Variants in GRIK2 observed in about 807,000 individuals in gnomAD.
GRIK2 encodes glutamate ionotropic receptor kainate type subunit 2, also known as glutamate receptor ionotropic, kainate 2.
In GRIK2, 32 loss-of-function variants were observed where a neutral mutation model predicts 100.3. The ratio of observed to expected loss-of-function variants is 0.32; its 90% CI spans 0.24 to 0.43. The LOEUF (loss-of-function observed/expected upper bound fraction) is 0.43. Ranked by LOEUF, GRIK2 falls within the 20% of genes least tolerant of loss-of-function variation. GRIK2 has a pLI of 1.00. For missense variants in GRIK2, 843 were observed against 1,114.9 expected (o/e 0.76, Z 3.47); for synonymous variants, 417 against 389.4 (o/e 1.07, Z -0.83).
At chr6:101,860,398 G>C (rs1013765387) in intron 11 of GRIK2, among the ~76,000 whole-genome samples, 1 of 152,064 alleles carries the variant, frequency 6.6e-6, no homozygotes, top group African/African-American at 2.4e-5. Flanking sequence ...TCCCCAATGG[G>C]ATATAGGAGA....
chr6:101,917,299 T>C (rs1789180784), intron 12 of GRIK2, among the ~76,000 whole-genome samples: 1 of 151,720 alleles, frequency 6.6e-6, no homozygotes, highest in Non-Finnish European at 1.5e-5. Context: ...CACGTTCTGC[T>C]TCTCAAGAAA....
intron 11 of GRIK2, among the ~76,000 whole-genome samples, chr6:101,864,423 C>T (rs984250665): frequency 1.3e-5 from 2 of 152,124 alleles, no homozygotes; most frequent in African/African-American, 4.8e-5. Flanking sequence ...CCTATAAATA[C>T]AAATTTTTCC....
intron 7 of GRIK2, among the ~76,000 whole-genome samples, chr6:101,796,152 T>C (rs1284505614): frequency 2.0e-5 from 3 of 152,202 alleles, no homozygotes; most frequent in African/African-American, 7.2e-5. Context: ...TACGTCTATA[T>C]GCTATGGTTT....
intron 12 of GRIK2, among the ~76,000 whole-genome samples, chr6:101,895,274 T>A (rs556600946): frequency 5.3e-5 from 8 of 151,878 alleles, no homozygotes; most frequent in African/African-American, 1.7e-4. Flanking sequence ...TGTATATAAT[T>A]GCCTTTAATT....
intron 2 of GRIK2, among the ~76,000 whole-genome samples, chr6:101,422,004 C>T (rs1007286982): frequency 1.3e-5 from 2 of 152,166 alleles, no homozygotes; most frequent in Non-Finnish European, 2.9e-5. Flanking sequence ...TTTTGTATGA[C>T]ATTAAAAGTG....
In GRIK2 at chr6:101,488,155, A is replaced by G. The variant is rs1174865654; in HGVS notation, c.115+88763A>G. Among the ~76,000 whole-genome samples, 2 of 146,728 alleles carry G rather than the reference A, an allele frequency of 1.4e-5. 1 individual carries two copies. Among genetic ancestry groups the G allele is most frequent in the African/African-American group, 5.2e-5 (2 of 38,610 alleles). On this transcript the variant is annotated intron_variant, in intron 2 of 16. Coordinates refer to ENST00000369134, the MANE Select transcript of GRIK2 (RefSeq NM_021956.5). ...TAATAATAATTTTATAGTAACTTCTAGTCTCCTTATAATCATCCTGCCTTT... is the reference window on the plus strand; with the variant it reads ...TAATAATAATTTTATAGTAACTTCTGGTCTCCTTATAATCATCCTGCCTTT...
At chr6:101,405,582 G>A (rs1373914108) in intron 2 of GRIK2, among the ~76,000 whole-genome samples, 1 of 152,070 alleles carries the variant, frequency 6.6e-6, no homozygotes, top group African/African-American at 2.4e-5. Context: ...TTTCAATAGA[G>A]TAATAGGTAT....
At chr6:102,020,313 T>G in intron 14 of GRIK2, among the ~76,000 whole-genome samples, 1 of 151,944 alleles carries the variant, frequency 6.6e-6, no homozygotes, top group East Asian at 1.9e-4. Flanking sequence ...TTGCTATAGC[T>G]TTAGGGTTCA....
chr6:101,727,200 G>A (rs761704412), intron 7 of GRIK2, among the ~76,000 whole-genome samples: 6 of 151,898 alleles, frequency 4.0e-5, no homozygotes, highest in Admixed American at 6.6e-5. Context: ...AATTTCCCAG[G>A]ATATGTTTAT....
At chr6:101,405,607 G>A (rs1157341720) in intron 2 of GRIK2, among the ~76,000 whole-genome samples, 1 of 151,768 alleles carries the variant, frequency 6.6e-6, no homozygotes. Context: ...TCTATTTTAG[G>A]TTGTTTTTAA....
intron 2 of GRIK2, among the ~76,000 whole-genome samples, chr6:101,488,562 C>T (rs959097278): frequency 2.7e-5 from 4 of 146,344 alleles, no homozygotes; most frequent in South Asian, 2.2e-4. Flanking sequence ...ATATATTGAT[C>T]GATAGATGGA....
At chr6:101,962,403 T>C (rs1338100750) in intron 14 of GRIK2, among the ~76,000 whole-genome samples, 2 of 152,204 alleles carry the variant, frequency 1.3e-5, no homozygotes, top group Admixed American at 1.3e-4. Flanking sequence ...ACATGCTCTG[T>C]GTGCTTTGAA....
At chr6:101,406,033 C>A (rs1396743903) in intron 2 of GRIK2, among the ~76,000 whole-genome samples, 1 of 152,168 alleles carries the variant, frequency 6.6e-6, no homozygotes, top group Non-Finnish European at 1.5e-5. Flanking sequence ...CTAAGGCACA[C>A]CTGCTTCCCT....
At chr6:101,555,290 T>G (rs1776682994) in intron 2 of GRIK2, among the ~76,000 whole-genome samples, 1 of 152,122 alleles carries the variant, frequency 6.6e-6, no homozygotes, top group Non-Finnish European at 1.5e-5. Flanking sequence ...CCGGGAAGTA[T>G]AGCTAGTGCC....
At chr6:101,424,104 C>T (rs79197496) in intron 2 of GRIK2, among the ~76,000 whole-genome samples, 3,111 of 152,084 alleles carry the variant, frequency 0.02, 121 homozygotes, top group African/African-American at 0.072. Context: ...ATTCAACTTG[C>T]AATAAAATTC....
intron 2 of GRIK2, among the ~76,000 whole-genome samples, chr6:101,572,446 A>G (rs1016525598): frequency 1.3e-5 from 2 of 152,168 alleles, no homozygotes; most frequent in African/African-American, 2.4e-5. Context: ...ACAATATGCT[A>G]TAAGCATTTT....
intron 2 of GRIK2, among the ~76,000 whole-genome samples, chr6:101,533,390 A>G (rs1003503935): frequency 6.8e-6 from 1 of 146,888 alleles, no homozygotes; most frequent in African/African-American, 2.5e-5. Context: ...TTAGAACAAA[A>G]AAAAGCATTG....
chr6:102,004,287 ATT>A (rs35096329), intron 14 of GRIK2, among the ~76,000 whole-genome samples: 22 of 114,452 alleles, frequency 1.9e-4, no homozygotes, highest in Admixed American at 3.6e-4. Flanking sequence ...CTGTAAGTTC[ATT>A]TTTTTTTTTT....
intron 12 of GRIK2, among the ~76,000 whole-genome samples, chr6:101,899,870 C>G (rs1263375933): frequency 1.3e-5 from 2 of 152,038 alleles, no homozygotes; most frequent in Non-Finnish European, 2.9e-5. Flanking sequence ...CCCTGCTTCC[C>G]TTACTATTCT....
Sources: allele counts gnomAD v4.1 joint callset (sites outside exome capture counted in the v4.1 genomes callset), GRCh38; gene constraint gnomAD v4.1.1; transcripts MANE v1.5; gene names NCBI Gene and HGNC (gene_info 2026-07-23, HGNC 2026-07-21).